Variants in KCNB2 observed in about 807,000 individuals in gnomAD.
KCNB2 encodes the protein potassium voltage-gated channel subfamily B member 2, also known as delayed rectifier potassium channel protein.
Under a neutral mutation model 61.5 loss-of-function variants are expected in KCNB2, and 15 were observed. The observed-to-expected ratio is 0.24, with a 90% CI of 0.16 to 0.38. The LOEUF is 0.38. Among genes scored for constraint, KCNB2 ranks in the 10% least tolerant of loss-of-function variants. The probability of loss-of-function intolerance (pLI) is 1.00; values close to 1 mark genes in which losing one functional copy is unlikely to be tolerated. For synonymous variants in KCNB2, 457 were observed against 446.0 expected (o/e 1.02, Z -0.31); for missense variants, 828 against 1,125.2 (o/e 0.74, Z 3.78).
chr8:72,781,363 C>A (rs1808752068), intron 2 of KCNB2, among the ~76,000 whole-genome samples: 1 of 152,084 alleles, frequency 6.6e-6, no homozygotes, highest in African/African-American at 2.4e-5. Context: ...ACACTGAAGT[C>A]TTTAATTTAT....
intron 2 of KCNB2, among the ~76,000 whole-genome samples, chr8:72,766,948 C>A (rs1049458690): frequency 6.6e-6 from 1 of 151,930 alleles, no homozygotes; most frequent in African/African-American, 2.4e-5. Flanking sequence ...AGGTGGGAAG[C>A]GAAAGGCACT....
intron 2 of KCNB2, among the ~76,000 whole-genome samples, chr8:72,774,764 A>G (rs1051042062): frequency 2.0e-5 from 3 of 152,168 alleles, no homozygotes; most frequent in African/African-American, 7.2e-5. Flanking sequence ...ACCCTGAGTT[A>G]TATACACTGC....
chr8:72,919,789 C>T (rs1806472204), intron 2 of KCNB2, among the ~76,000 whole-genome samples: 1 of 152,118 alleles, frequency 6.6e-6, no homozygotes, highest in South Asian at 2.1e-4. Context: ...TCATAATATG[C>T]TCGGTGTATT....
chr8:72,560,427 G>A (rs540239351), intron 1 of KCNB2, among the ~76,000 whole-genome samples: 37 of 152,174 alleles, frequency 2.4e-4, no homozygotes, highest in Non-Finnish European at 4.4e-4. Flanking sequence ...ACTGAAGTTC[G>A]TGATTTATTT....
intron 2 of KCNB2, among the ~76,000 whole-genome samples, chr8:72,635,528 G>A (rs954575896): frequency 1.3e-5 from 2 of 152,138 alleles, no homozygotes; most frequent in African/African-American, 2.4e-5. Context: ...AATGAAGAGT[G>A]CCCCGTCTCT....
chr8:72,909,434 A>C (rs568164287), intron 2 of KCNB2, among the ~76,000 whole-genome samples: 3 of 152,258 alleles, frequency 2.0e-5, no homozygotes, highest in Admixed American at 6.6e-5. Context: ...AGCGGCAGGA[A>C]GGCACAGGGG....
chr8:72,733,209 T>G (rs570347791), intron 2 of KCNB2, among the ~76,000 whole-genome samples: 1 of 152,328 alleles, frequency 6.6e-6, no homozygotes, highest in Non-Finnish European at 1.5e-5. Context: ...TCACATAGTG[T>G]GTTCAGTTTT....
intron 2 of KCNB2, among the ~76,000 whole-genome samples, chr8:72,773,043 A>G (rs945347651): frequency 1.3e-5 from 2 of 152,160 alleles, no homozygotes; most frequent in African/African-American, 2.4e-5. Flanking sequence ...AGTAGGGGGA[A>G]TTTTTCATAA....
intron 1 of KCNB2, among the ~76,000 whole-genome samples, chr8:72,557,360 G>A (rs1379001357): frequency 1.3e-5 from 2 of 151,536 alleles, no homozygotes; most frequent in Non-Finnish European, 1.5e-5. Flanking sequence ...CTTATATTTT[G>A]AAGAAAAAAA....
intron 2 of KCNB2, among the ~76,000 whole-genome samples, chr8:72,683,156 G>A (rs1157379566): frequency 6.6e-6 from 1 of 152,136 alleles, no homozygotes; most frequent in Non-Finnish European, 1.5e-5. Flanking sequence ...GTAATGTCAG[G>A]AAATATGACG....
At chr8:72,855,488 C>T (rs1046973918) in intron 2 of KCNB2, among the ~76,000 whole-genome samples, 14 of 152,102 alleles carry the variant, frequency 9.2e-5, no homozygotes, top group African/African-American at 3.4e-4. Flanking sequence ...TCCCATTGCC[C>T]CCTCCCAAAC....
rs141403072 is a variant in KCNB2 at position 72,723,188 on chromosome 8, G to A, written c.579+154875G>A. 7.9e-4 allele frequency among the ~76,000 whole-genome samples: 121 copies of A among 152,258 alleles called. 1 individual carries two copies. The highest frequency in any genetic ancestry group is 2.8e-3 in the African/African-American group (116 of 41,552). ...TTAATTAAATTGGCAATTGGACAGGGAGATGCACAGAAGTGAAATTCCTCT... is the reference window on the plus strand; with the variant it reads ...TTAATTAAATTGGCAATTGGACAGGAAGATGCACAGAAGTGAAATTCCTCT... On this transcript the variant is annotated intron_variant, in intron 2 of 2. Coordinates refer to ENST00000523207, the MANE Select transcript of KCNB2 (RefSeq NM_004770.3).
At chr8:72,757,754 T>G (rs1808313960) in intron 2 of KCNB2, among the ~76,000 whole-genome samples, 1 of 152,076 alleles carries the variant, frequency 6.6e-6, no homozygotes, top group African/African-American at 2.4e-5. Flanking sequence ...GTTGGCACAA[T>G]GGGGGCTGAT....
At chr8:72,864,901 C>T (rs1426906651) in intron 2 of KCNB2, among the ~76,000 whole-genome samples, 4 of 152,148 alleles carry the variant, frequency 2.6e-5, no homozygotes, top group South Asian at 2.1e-4. Flanking sequence ...GAAGTGGGTG[C>T]GAGAAGGAAT....
intron 2 of KCNB2, among the ~76,000 whole-genome samples, chr8:72,584,933 A>C (rs550944896): frequency 2.2e-4 from 33 of 152,124 alleles, no homozygotes; most frequent in Admixed American, 1.7e-3. Flanking sequence ...AGTCCAGATT[A>C]TCACAAAGAG....
At chr8:72,763,019 TA>T (rs1292087756) in intron 2 of KCNB2, among the ~76,000 whole-genome samples, 1 of 146,498 alleles carries the variant, frequency 6.8e-6, no homozygotes, top group East Asian at 2.0e-4. Context: ...TGAATTAAGT[TA>T]TCTTCAACGA....
At chr8:72,725,591 GTATATATATATATA>G (rs60157669) in intron 2 of KCNB2, among the ~76,000 whole-genome samples, 8 of 51,956 alleles carry the variant, frequency 1.5e-4, no homozygotes, top group African/African-American at 1.9e-4. Flanking sequence ...ATATATGTAT[GTATATATATATATA>G]TATATATATA....
rs1006105537 is a variant in KCNB2, at chr8:72,603,929, C to T, written c.579+35616C>T. Among the ~76,000 whole-genome samples, 4 of 152,020 alleles carry T rather than the reference C, an allele frequency of 2.6e-5. No individual in the cohort carries two copies. In the South Asian group the frequency reaches 6.2e-4, roughly 24 times the overall value. The stretch of plus-strand genomic sequence containing the variant: ...AGGAATGCCAAGTATTGTGGTGATA[C>T]CAGAATATTGGAGAAAGATATGGTG... On this transcript the variant is annotated intron_variant, in intron 2 of 2. Coordinates refer to ENST00000523207, the MANE Select transcript of KCNB2 (RefSeq NM_004770.3).
intron 2 of KCNB2, among the ~76,000 whole-genome samples, chr8:72,896,835 T>A (rs998809810): frequency 1.5e-4 from 23 of 152,264 alleles, no homozygotes; most frequent in Middle Eastern, 3.4e-3. Context: ...GTCATTCATA[T>A]CTTCAAGCCT....
Sources: allele counts gnomAD v4.1 joint callset (sites outside exome capture counted in the v4.1 genomes callset), GRCh38; gene constraint gnomAD v4.1.1; transcripts MANE v1.5; gene names NCBI Gene and HGNC (gene_info 2026-07-23, HGNC 2026-07-21).